ELOVL2: variants seen among roughly 807,000 people sequenced by gnomAD.
ELOVL2 encodes very long chain fatty acid elongase 2.
Under a neutral mutation model 37.7 loss-of-function variants are expected in ELOVL2, and 38 were observed. The ratio of observed to expected loss-of-function variants is 1.01; its 90% CI spans 0.78 to 1.32. The LOEUF (loss-of-function observed/expected upper bound fraction) is 1.32. Ranked by LOEUF, ELOVL2 falls within the 40% of genes most tolerant of loss-of-function variation. ELOVL2 has a pLI of 0.00. For missense variants in ELOVL2, 352 were observed against 363.6 expected (o/e 0.97, Z 0.26); for synonymous variants, 115 against 122.3 (o/e 0.94, Z 0.40).
chr6:10,987,230 C>A (rs1782068375), intron 7 of ELOVL2, among the ~76,000 whole-genome samples: 1 of 151,780 alleles, frequency 6.6e-6, no homozygotes, highest in Non-Finnish European at 1.5e-5. Flanking sequence ...CTATTTGATT[C>A]TTCTCTCTTT....
At chr6:11,013,651 C>A (rs1244286237) in intron 1 of ELOVL2, among the ~76,000 whole-genome samples, 29 of 152,052 alleles carry the variant, frequency 1.9e-4, no homozygotes. Context: ...CATAGAAAGT[C>A]AAACAGCAAA....
At chr6:11,014,052 A>G (rs1333368885) in intron 1 of ELOVL2, among the ~76,000 whole-genome samples, 2 of 152,166 alleles carry the variant, frequency 1.3e-5, no homozygotes, top group African/African-American at 2.4e-5. Flanking sequence ...TTGGAATTCA[A>G]TTTGTGGCTG....
chr6:11,035,186 G>C (rs1209636904), intron 1 of ELOVL2, among the ~76,000 whole-genome samples: 1 of 152,034 alleles, frequency 6.6e-6, no homozygotes, highest in African/African-American at 2.4e-5. Context: ...AGACTGTTCT[G>C]TTCTACACTA....
Position 11,005,439 on chromosome 6 carries a change from G to T in ELOVL2, c.188C>A (p.Ser63Tyr). The change falls in exon 3 of 8, where the codon TCT (serine) becomes TAT (tyrosine). Residue 63 changes from serine (S) to tyrosine (Y), a missense_variant. By Grantham distance (144) the Ser-to-Tyr change is moderately radical. Transcript: ENST00000354666. ...ATACAAGGTGAGGATACCCCTGAGA[G>T]AAAGAGCAGGTCTGTTCTTCATATA... ...NKYMKNRPALSLRGILTLYNL... is the reference protein window; with the variant it reads ...NKYMKNRPALYLRGILTLYNL... The T allele has an allele frequency of 6.2e-7, 1 of 1,614,096 alleles. No individual in the cohort carries two copies. The highest frequency in any genetic ancestry group is 8.5e-7 in the Non-Finnish European group (1 of 1,179,982).
chr6:11,043,827 T>C (rs1783155785), intron 1 of ELOVL2: 2 of 169,556 alleles, frequency 1.2e-5, no homozygotes, highest in South Asian at 4.0e-4. Context: ...CGAGAGCAGG[T>C]TCGGGGGTCC....
chr6:10,995,430 C>G (rs111690861), intron 4 of ELOVL2, among the ~76,000 whole-genome samples: 1 of 147,566 alleles, frequency 6.8e-6, no homozygotes, highest in Non-Finnish European at 1.5e-5. Flanking sequence ...CCGCAGAACC[C>G]AAGTTCATGA....
rs777404906 is a variant in ELOVL2 at position 11,044,242 on chromosome 6, G to T, written c.-12C>A. The stretch of plus-strand genomic sequence containing the variant: ...GCCCCACTCACCATGATCCGCAGCG[G>T]CTGTGGCGCGGCGACCCGGGCGGGC... On this transcript the variant is annotated 5_prime_UTR_variant, in exon 1 of 8. Coordinates refer to ENST00000354666, the MANE Select transcript of ELOVL2 (RefSeq NM_017770.4). The surrounding 1 kb of genome is among the most constrained non-coding windows in gnomAD (Gnocchi z 5.6). The T allele has an allele frequency of 7.4e-7, 1 of 1,354,502 alleles. No homozygotes were observed. Among genetic ancestry groups the T allele is most frequent in the Non-Finnish European group, 9.5e-7 (1 of 1,054,604 alleles). The allele number at this position is 1,354,502 out of a possible 1,614,324, so 83.9% of individuals were successfully genotyped here.
chr6:11,010,610 G>T, intron 2 of ELOVL2, 136 bp downstream of exon 2: 2 of 727,650 alleles, frequency 2.7e-6, no homozygotes, highest in South Asian at 1.6e-5. Context: ...GGATATCAAA[G>T]TTGAGGAAGT....
intron 6 of ELOVL2, 118 bp from the exon 7 acceptor site, chr6:10,989,955 C>G (rs777855267): frequency 1.7e-6 from 2 of 1,187,564 alleles, no homozygotes; most frequent in Non-Finnish European, 2.3e-6. Flanking sequence ...TATGTAGGAA[C>G]AAAACAAAGC....
At chr6:11,031,785 T>C (rs1782933797) in intron 1 of ELOVL2, among the ~76,000 whole-genome samples, 1 of 152,206 alleles carries the variant, frequency 6.6e-6, no homozygotes, top group South Asian at 2.1e-4. Context: ...GTTCCAAAGC[T>C]TAATTTTTCT....
chr6:10,984,384 A>C (rs1782003969), intron 7 of ELOVL2, among the ~76,000 whole-genome samples: 1 of 152,022 alleles, frequency 6.6e-6, no homozygotes, highest in South Asian at 2.1e-4. Context: ...TTATACTTTA[A>C]GTTTTAGGGA....
intron 5 of ELOVL2, among the ~76,000 whole-genome samples, chr6:10,990,675 C>T (rs994985736): frequency 7.0e-6 from 1 of 142,814 alleles, no homozygotes. Context: ...ATGCCCCCCC[C>T]CCGCCACACA....
rs541835355 is a variant in ELOVL2, at chr6:11,003,521, T to C, written c.255+1851A>G. Among the ~76,000 whole-genome samples the C allele has an allele frequency of 1.4e-3, 208 of 152,356 alleles. 1 individual carries two copies. Among genetic ancestry groups the C allele is most frequent in the African/African-American group, 4.6e-3 (191 of 41,584 alleles). On this transcript the variant is annotated intron_variant, in intron 3 of 7. Coordinates refer to ENST00000354666, the MANE Select transcript of ELOVL2 (RefSeq NM_017770.4). ...TATGGCTGCATAGTATTCCATGGTG[T>C]ATATGTGCCACATTTTCTTTATCCA...
At chr6:11,036,910 A>G (rs1407082155) in intron 1 of ELOVL2, among the ~76,000 whole-genome samples, 1 of 123,250 alleles carries the variant, frequency 8.1e-6, no homozygotes, top group Non-Finnish European at 1.6e-5. Flanking sequence ...AGCATGAGTT[A>G]ATTTTTTTTT....
chr6:10,989,692 A>T lies in ELOVL2; in HGVS notation c.765+11T>A, dbSNP rs1299029580. ...TTACATTTTACTGCTGAATATTTAC[A>T]TTCCACGTACCTGAACGTAAAAATT... On this transcript the variant is annotated intron_variant, in intron 7 of 7. Coordinates refer to ENST00000354666, the MANE Select transcript of ELOVL2 (RefSeq NM_017770.4). 3.7e-6 allele frequency: 6 copies of T among 1,611,638 alleles called. No individual in the cohort carries two copies. The highest frequency in any genetic ancestry group is 5.1e-6 in the Non-Finnish European group (6 of 1,178,432).
intron 3 of ELOVL2, among the ~76,000 whole-genome samples, chr6:11,003,122 C>A (rs1430714665): frequency 6.6e-6 from 1 of 152,166 alleles, no homozygotes; most frequent in Non-Finnish European, 1.5e-5. Context: ...CAGGCTGGCC[C>A]TTCTGCTGCT....
intron 1 of ELOVL2, among the ~76,000 whole-genome samples, chr6:11,028,652 GC>G (rs1003188792): frequency 1.4e-5 from 2 of 147,048 alleles, no homozygotes; most frequent in African/African-American, 5.4e-5. Context: ...GTTCAGAGTT[GC>G]CCCCCATCAC....
Position 11,044,100 on chromosome 6 carries a change from T to G in ELOVL2, c.3+128A>C, listed in dbSNP as rs2113577861. 8.4e-7 allele frequency: 1 copy of G among 1,194,264 alleles called. No individual in the cohort carries two copies. Among genetic ancestry groups the G allele is most frequent in the Non-Finnish European group, 1.1e-6 (1 of 925,638 alleles). 74.0% of individuals were successfully genotyped at this position (1,194,264 alleles called of 1,614,324 possible). ...CGCGCGGACCCGGCCCCTCCGAGGGTAGCGGGTTCCAGCGGCGAACCCGCA... is the reference window on the plus strand; with the variant it reads ...CGCGCGGACCCGGCCCCTCCGAGGGGAGCGGGTTCCAGCGGCGAACCCGCA... On this transcript the variant is annotated intron_variant, in intron 1 of 7. Transcript: ENST00000354666. This position sits in a 1 kb window ranked among gnomAD's most constrained non-coding sequence, Gnocchi z 5.6.
At chr6:11,040,797 C>T (rs1484725685) in intron 1 of ELOVL2, among the ~76,000 whole-genome samples, 2 of 152,040 alleles carry the variant, frequency 1.3e-5, no homozygotes, top group African/African-American at 2.4e-5. Flanking sequence ...TTGTTCCTCC[C>T]GAAAACCTTA....
Sources: gnomAD v4.1 joint callset for allele counts (sites outside exome capture counted in the v4.1 genomes callset) on GRCh38, gnomAD v4.1.1 for gene constraint, Gnocchi (gnomAD v3.1) non-coding constraint, MANE v1.5 for transcripts, NCBI Gene and HGNC (gene_info 2026-07-23, HGNC 2026-07-21) for gene names.